Variants in CRIM1 observed in about 807,000 individuals in gnomAD.
The protein encoded by CRIM1 is cysteine-rich motor neuron 1 protein.
In CRIM1, 32 loss-of-function variants were observed where a neutral mutation model predicts 116.4. The ratio of observed to expected loss-of-function variants is 0.27; its 90% confidence interval spans 0.21 to 0.37. The LOEUF (loss-of-function observed/expected upper bound fraction) is 0.37, where lower values mean the gene tolerates loss of function less well. CRIM1 is among the 10% of genes least tolerant of loss of function. The pLI is 1.00. For synonymous variants in CRIM1, 590 were observed against 509.2 expected (o/e 1.16, Z -2.13); for missense variants, 1,331 against 1,354.8 (o/e 0.98, Z 0.28).
chr2:36,375,043 A>C (rs1329502934), intron 1 of CRIM1, among the ~76,000 whole-genome samples: 1 of 151,494 alleles, frequency 6.6e-6, no homozygotes, highest in Non-Finnish European at 1.5e-5. Flanking sequence ...ATGTTTACTT[A>C]GTATGAAAAA....
chr2:36,524,740 C>T (rs1164982388), intron 13 of CRIM1, among the ~76,000 whole-genome samples: 1 of 152,200 alleles, frequency 6.6e-6, no homozygotes, highest in East Asian at 1.9e-4. Flanking sequence ...TCATCTCTCA[C>T]AAAACCAATT....
intron 1 of CRIM1, among the ~76,000 whole-genome samples, chr2:36,386,543 CAA>C (rs1378038777): frequency 6.6e-6 from 1 of 152,218 alleles, no homozygotes; most frequent in East Asian, 1.9e-4. Context: ...GTTTGCTGCT[CAA>C]AGATTCACAT....
chr2:36,523,108 C>T (rs1413146865), intron 13 of CRIM1, among the ~76,000 whole-genome samples: 2 of 151,998 alleles, frequency 1.3e-5, no homozygotes, highest in Non-Finnish European at 2.9e-5. Context: ...GTGCCTGCCA[C>T]CTCGCCTAGC....
At position 36,396,736 on chromosome 2, in the gene CRIM1, T is replaced by C. The variant is rs1378622205; in HGVS notation, c.454T>C (p.Phe152Leu). The C allele has an allele frequency of 2.5e-6, 4 of 1,613,482 alleles. No homozygotes were observed. The African/African-American group carries it at 5.3e-5, about 22-fold the overall frequency. ...CACCATTCGAACCTGCAGCAATCCC[T>C]TTGAGTTTCCAAGTCAGGATATGTG... ...CNTIRTCSNPFEFPSQDMCLS... is the reference protein window; with the variant it reads ...CNTIRTCSNPLEFPSQDMCLS... The change falls in exon 2 of 17, where the codon TTT becomes CTT. Residue 152 changes from phenylalanine (F) to leucine (L), a missense_variant. Physicochemically the swap from Phe to Leu is conservative, Grantham distance 22. Around this residue, in one of 3 missense-constraint regions of CRIM1, gnomAD observed 690 missense variants for 676.0 expected, o/e 1.02. Transcript: ENST00000280527.
chr2:36,434,864 G>C (rs1675176431), intron 2 of CRIM1, among the ~76,000 whole-genome samples: 1 of 152,002 alleles, frequency 6.6e-6, no homozygotes, highest in African/African-American at 2.4e-5. Context: ...CCTTTGTCTG[G>C]AACACTCTTG....
chr2:36,497,152 A>G lies in CRIM1; in HGVS notation c.1373-2067A>G, dbSNP rs569897310. ...TAAATTTCACATATTAAATGTCAGT[A>G]AAGAATAGAAGATTTTGGTATGTGT... On this transcript the variant is annotated intron_variant, in intron 7 of 16. Transcript: ENST00000280527. 1.9e-3 allele frequency among the ~76,000 whole-genome samples: 290 copies of G among 152,312 alleles called. 2 individuals carry two copies. Among genetic ancestry groups the G allele is most frequent in the African/African-American group, 6.6e-3 (276 of 41,578 alleles).
intron 9 of CRIM1, 73 bp downstream of exon 9, chr2:36,510,212 A>G: frequency 6.9e-7 from 1 of 1,448,728 alleles, no homozygotes; most frequent in South Asian, 1.3e-5. Flanking sequence ...ATTTTGTTTT[A>G]TATGTTGTTT....
At chr2:36,530,361 A>T (rs556767835) in intron 13 of CRIM1, among the ~76,000 whole-genome samples, 1 of 152,120 alleles carries the variant, frequency 6.6e-6, no homozygotes, top group East Asian at 1.9e-4. Context: ...TACAATTTCC[A>T]TGTGTTTAAG....
intron 2 of CRIM1, among the ~76,000 whole-genome samples, chr2:36,437,359 A>C (rs1675398402): frequency 1.3e-5 from 2 of 151,902 alleles, no homozygotes; most frequent in African/African-American, 4.8e-5. Flanking sequence ...TGGGTGACAG[A>C]GCGAGACTCC....
chr2:36,453,814 G>A lies in CRIM1; in HGVS notation c.870-10720G>A, dbSNP rs150410139. 3.2e-4 allele frequency among the ~76,000 whole-genome samples: 49 copies of A among 152,260 alleles called. No individual in the cohort carries two copies. In the East Asian group the frequency reaches 6.6e-3, roughly 20 times the overall value. On this transcript the variant is annotated intron_variant, in intron 4 of 16. Coordinates refer to ENST00000280527, the MANE Select transcript of CRIM1 (RefSeq NM_016441.3). ...ACATGCTAATTCCTATTTGGAGAAC[G>A]GTCAGATTTGACTTTTGAACTGAGT...
At chr2:36,527,803 CATA>C (rs1181442430) in intron 13 of CRIM1, among the ~76,000 whole-genome samples, 11 of 152,152 alleles carry the variant, frequency 7.2e-5, no homozygotes, top group African/African-American at 2.7e-4. Context: ...ATTTCGAAAC[CATA>C]ATGATATGAT....
intron 5 of CRIM1, among the ~76,000 whole-genome samples, chr2:36,466,645 C>G (rs1678055858): frequency 6.6e-6 from 1 of 152,200 alleles, no homozygotes. Flanking sequence ...CACATTCATC[C>G]TTGTGTCTGT....
intron 1 of CRIM1, among the ~76,000 whole-genome samples, chr2:36,376,057 GA>G (rs1466674174): frequency 2.0e-5 from 3 of 152,134 alleles, no homozygotes; most frequent in Non-Finnish European, 4.4e-5. Context: ...ACACCCATTA[GA>G]AAAAAAGGTT....
intron 1 of CRIM1, among the ~76,000 whole-genome samples, chr2:36,382,169 C>G (rs143626700): frequency 6.6e-6 from 1 of 152,314 alleles, no homozygotes; most frequent in African/African-American, 2.4e-5. Flanking sequence ...CCTGGAACCG[C>G]CTCAGTAAAC....
intron 4 of CRIM1, among the ~76,000 whole-genome samples, chr2:36,444,293 A>G (rs1478683035): frequency 6.6e-6 from 1 of 152,194 alleles, no homozygotes; most frequent in Non-Finnish European, 1.5e-5. Context: ...AGGAAGGTAT[A>G]TTTAGTCTCA....
intron 14 of CRIM1, among the ~76,000 whole-genome samples, chr2:36,538,522 T>G (rs1666715725): frequency 1.3e-5 from 2 of 152,206 alleles, no homozygotes; most frequent in African/African-American, 4.8e-5. Flanking sequence ...ACCATGCCAA[T>G]TCACAAGTGC....
chr2:36,496,926 A>G (rs1245011316), intron 7 of CRIM1, among the ~76,000 whole-genome samples: 1 of 152,206 alleles, frequency 6.6e-6, no homozygotes, highest in Non-Finnish European at 1.5e-5. Flanking sequence ...ATACATCACT[A>G]TTGAGAGCAA....
At chr2:36,521,132 C>G (rs754662967) in intron 12 of CRIM1, among the ~76,000 whole-genome samples, 4 of 152,252 alleles carry the variant, frequency 2.6e-5, no homozygotes, top group Non-Finnish European at 4.4e-5. Flanking sequence ...CTTGAAGTTA[C>G]AATTTTCATT....
chr2:36,547,135 G>A lies in CRIM1; in HGVS notation c.2898G>A (p.Trp966Ter), dbSNP rs750375047. The A allele has an allele frequency of 6.2e-7, 1 of 1,613,044 alleles. No homozygotes were observed. The highest frequency in any genetic ancestry group is 1.7e-5 in the Admixed American group (1 of 59,936). Residue 966 changes from tryptophan to a stop codon, truncating the protein, a stop_gained, in exon 16 of 17, where the codon TGG becomes TGA. Coordinates refer to ENST00000280527, the MANE Select transcript of CRIM1 (RefSeq NM_016441.3). LOFTEE classifies it high-confidence loss of function. ...AFLFINQKKQWIPLLCWYRTP... is the reference protein window; with the variant it reads ...AFLFINQKKQ Reference sequence around the variant, plus strand: ...TATTCATCAATCAGAAGAAACAGTGGATACCACTGCTTTGCTGGTATCGAA... The same window carrying A: ...TATTCATCAATCAGAAGAAACAGTGAATACCACTGCTTTGCTGGTATCGAA...
Sources: gnomAD v4.1 joint callset for allele counts (sites outside exome capture counted in the v4.1 genomes callset) on GRCh38, gnomAD v4.1.1 for gene constraint, gnomAD v4.1.1 regional missense constraint, MANE v1.5 for transcripts, NCBI Gene and HGNC (gene_info 2026-07-23, HGNC 2026-07-21) for gene names.